The following FBXL17 variants were observed in gnomAD, a reference collection of about 807,000 sequenced individuals.
FBXL17 encodes the protein F-box and leucine rich repeat protein 17.
A neutral mutation model predicts 66.2 loss-of-function variants in FBXL17; 22 were observed. The ratio of observed to expected loss-of-function variants is 0.33; its 90% CI spans 0.24 to 0.47. The LOEUF (loss-of-function observed/expected upper bound fraction) is 0.47. Among genes scored for constraint, FBXL17 ranks in the 20% least tolerant of loss-of-function variants. The pLI is 1.00. For synonymous variants in FBXL17, 474 were observed against 400.5 expected (o/e 1.18, Z -2.19); for missense variants, 878 against 948.2 (o/e 0.93, Z 0.97).
chr5:108,184,285 G>T (rs755826260), intron 6 of FBXL17, among the ~76,000 whole-genome samples: 1 of 152,020 alleles, frequency 6.6e-6, no homozygotes, highest in African/African-American at 2.4e-5. Flanking sequence ...TTAGTCGGAT[G>T]TGGTGGTACA....
At chr5:108,343,668 G>T (rs764734412) in intron 4 of FBXL17, among the ~76,000 whole-genome samples, 1 of 152,082 alleles carries the variant, frequency 6.6e-6, no homozygotes, top group African/African-American at 2.4e-5. Flanking sequence ...TTTAAACTGT[G>T]ACACAAATGT....
intron 6 of FBXL17, among the ~76,000 whole-genome samples, chr5:108,087,430 T>C (rs923581291): frequency 6.6e-6 from 1 of 152,180 alleles, no homozygotes; most frequent in African/African-American, 2.4e-5. Context: ...CATCCATCCA[T>C]GTCAACCCAA....
intron 7 of FBXL17, among the ~76,000 whole-genome samples, chr5:107,992,678 A>T (rs571896135): frequency 2.0e-5 from 3 of 152,342 alleles, no homozygotes; most frequent in Middle Eastern, 3.4e-3. Flanking sequence ...AAATAAAAGT[A>T]GACAAATAGT....
chr5:108,106,555 G>A (rs1364313135), intron 6 of FBXL17, among the ~76,000 whole-genome samples: 2 of 152,110 alleles, frequency 1.3e-5, no homozygotes, highest in Non-Finnish European at 2.9e-5. Flanking sequence ...ATATTATTTG[G>A]AAATAAAAAG....
At chr5:108,054,688 A>G (rs1043833517) in intron 6 of FBXL17, among the ~76,000 whole-genome samples, 4 of 152,166 alleles carry the variant, frequency 2.6e-5, no homozygotes, top group Non-Finnish European at 4.4e-5. Context: ...TTTCTCTTAT[A>G]AGGCTGTCCT....
At chr5:108,313,082 C>G (rs897236871) in intron 4 of FBXL17, among the ~76,000 whole-genome samples, 1 of 152,116 alleles carries the variant, frequency 6.6e-6, no homozygotes, top group Non-Finnish European at 1.5e-5. Context: ...ATTTCTCCTT[C>G]TAACTTCTGC....
intron 6 of FBXL17, among the ~76,000 whole-genome samples, chr5:108,029,385 G>T (rs940589972): frequency 2.0e-5 from 3 of 152,082 alleles, no homozygotes; most frequent in Non-Finnish European, 4.4e-5. Context: ...TGACACTATT[G>T]ATACTTAGCC....
chr5:108,223,497 C>T (rs1754962518), intron 5 of FBXL17, among the ~76,000 whole-genome samples: 1 of 152,078 alleles, frequency 6.6e-6, no homozygotes, highest in Non-Finnish European at 1.5e-5. Flanking sequence ...TTTATAGTAG[C>T]CAGCTTTTCC....
intron 6 of FBXL17, among the ~76,000 whole-genome samples, chr5:108,152,311 G>A (rs1561435863): frequency 6.6e-6 from 1 of 152,128 alleles, no homozygotes; most frequent in Non-Finnish European, 1.5e-5. Context: ...CAATGAGAAT[G>A]GTCATTTCTA....
chr5:108,354,892 A>C (rs1747875802), intron 3 of FBXL17, among the ~76,000 whole-genome samples: 1 of 152,140 alleles, frequency 6.6e-6, no homozygotes, highest in Admixed American at 6.5e-5. Context: ...GAGTGAAAAA[A>C]AACCAACAAC....
rs138784988 is a variant in FBXL17, at chr5:108,315,953, C to A, written c.1506+32446G>T. On this transcript the variant is annotated intron_variant, in intron 4 of 8. Transcript: ENST00000542267. ...ATTTTTAGACATTCCAAAATGGGCACAAAACATAATTGGAGTCTGACTAAA... is the reference window on the plus strand; with the variant it reads ...ATTTTTAGACATTCCAAAATGGGCAAAAAACATAATTGGAGTCTGACTAAA... 7.6e-3 allele frequency among the ~76,000 whole-genome samples: 1,148 copies of A among 151,422 alleles called. 10 individuals carry two copies. Among genetic ancestry groups the A allele is most frequent in the Non-Finnish European group, 0.011 (756 of 67,476 alleles).
chr5:108,195,888 T>C (rs1382514918), intron 5 of FBXL17, among the ~76,000 whole-genome samples: 1 of 152,116 alleles, frequency 6.6e-6, no homozygotes, highest in African/African-American at 2.4e-5. Context: ...TCAGAAAATA[T>C]TGTTGCAACT....
At chr5:107,976,473 T>C (rs1752585798) in intron 7 of FBXL17, among the ~76,000 whole-genome samples, 1 of 152,150 alleles carries the variant, frequency 6.6e-6, no homozygotes, top group Admixed American at 6.5e-5. Context: ...CCTTTCTCAC[T>C]CAGAGATAAG....
chr5:108,143,149 C>T (rs158173), intron 6 of FBXL17, among the ~76,000 whole-genome samples: 31,485 of 151,628 alleles, frequency 0.21, 3,584 homozygotes, highest in South Asian at 0.43. Flanking sequence ...CCCGAGTCCA[C>T]GGAAGAACTG....
At chr5:108,361,644 T>C (rs965953297) in intron 3 of FBXL17, among the ~76,000 whole-genome samples, 1 of 152,108 alleles carries the variant, frequency 6.6e-6, no homozygotes, top group Non-Finnish European at 1.5e-5. Context: ...CCTAGGTCAA[T>C]TGTATGTCTC....
At chr5:108,325,102 A>G (rs1759789595) in intron 4 of FBXL17, among the ~76,000 whole-genome samples, 1 of 152,076 alleles carries the variant, frequency 6.6e-6, no homozygotes, top group African/African-American at 2.4e-5. Context: ...AGATAACGAG[A>G]GTTTTGGAGA....
intron 6 of FBXL17, among the ~76,000 whole-genome samples, chr5:108,048,866 C>G (rs1051425003): frequency 6.6e-6 from 1 of 152,088 alleles, no homozygotes; most frequent in Non-Finnish European, 1.5e-5. Flanking sequence ...AGAATGGAAA[C>G]AAGCTGGAAA....
At chr5:107,929,357 T>C (rs1434625744) in intron 7 of FBXL17, among the ~76,000 whole-genome samples, 4 of 152,196 alleles carry the variant, frequency 2.6e-5, no homozygotes, top group African/African-American at 7.2e-5. Context: ...CCATATTTGT[T>C]TGGCATTATT....
chr5:108,185,276 T>C (rs2150031129), intron 6 of FBXL17, among the ~76,000 whole-genome samples: 1 of 152,298 alleles, frequency 6.6e-6, no homozygotes, highest in South Asian at 2.1e-4. Flanking sequence ...ATCCCAATGT[T>C]GGAGGAAGGG....
Sources: gnomAD v4.1 joint callset for allele counts (sites outside exome capture counted in the v4.1 genomes callset) on GRCh38, gnomAD v4.1.1 for gene constraint, MANE v1.5 for transcripts, NCBI Gene and HGNC (gene_info 2026-07-23, HGNC 2026-07-21) for gene names.